The following CAPS2 variants were observed in gnomAD, a reference collection of about 807,000 sequenced individuals.
CAPS2 encodes the protein calcyphosine 2, also known as calcyphosin-2.
Under a neutral mutation model 86.5 loss-of-function variants are expected in CAPS2, and 98 were observed. The ratio of observed to expected loss-of-function variants is 1.13; its 90% CI spans 0.96 to 1.34. CAPS2 has a LOEUF of 1.34. Among genes scored for constraint, CAPS2 ranks in the 40% most tolerant of loss-of-function variants. The probability of loss-of-function intolerance (pLI) is 0.00; values close to 1 mark genes in which losing one functional copy is unlikely to be tolerated. For synonymous variants in CAPS2, 210 were observed against 225.1 expected (o/e 0.93, Z 0.60); for missense variants, 729 against 686.8 (o/e 1.06, Z -0.69).
chr12:75,283,286 C>T (rs995119149), intron 15 of CAPS2, among the ~76,000 whole-genome samples: 10 of 152,072 alleles, frequency 6.6e-5, no homozygotes, highest in Admixed American at 2.0e-4. Flanking sequence ...ATTCTGCATT[C>T]GTAGTGGGGT....
chr12:75,357,653 A>G (rs1024250063), intron 1 of CAPS2, among the ~76,000 whole-genome samples: 3 of 152,146 alleles, frequency 2.0e-5, no homozygotes, highest in African/African-American at 7.2e-5. Context: ...AATAATACAA[A>G]GTATGTTGTT....
intron 1 of CAPS2, among the ~76,000 whole-genome samples, chr12:75,356,092 T>C (rs1230807621): frequency 6.6e-6 from 1 of 151,982 alleles, no homozygotes; most frequent in Non-Finnish European, 1.5e-5. Flanking sequence ...CATTTACCTA[T>C]GTCACAAACC....
At chr12:75,298,411 G>A (rs140492789) in intron 11 of CAPS2, 164 of 395,732 alleles carry the variant, frequency 4.1e-4, no homozygotes, top group African/African-American at 2.3e-3. Flanking sequence ...TTCAAAGTAC[G>A]AAGATACAAC....
intron 16 of CAPS2, among the ~76,000 whole-genome samples, chr12:75,279,782 T>C (rs2033577735): frequency 6.6e-6 from 1 of 152,016 alleles, no homozygotes; most frequent in Non-Finnish European, 1.5e-5. Context: ...TAATATAAAA[T>C]AATAAAATGA....
At chr12:75,320,814 G>A (rs1375961620) in intron 5 of CAPS2, among the ~76,000 whole-genome samples, 1 of 151,748 alleles carries the variant, frequency 6.6e-6, no homozygotes, top group East Asian at 1.9e-4. Context: ...AATCAAGATT[G>A]ACTTTTTCTG....
intron 1 of CAPS2, chr12:75,370,029 C>A: frequency 8.0e-7 from 1 of 1,257,030 alleles, no homozygotes; most frequent in Non-Finnish European, 1.1e-6. Flanking sequence ...TTATTTCCTC[C>A]CGTTGAAAAT....
intron 1 of CAPS2, among the ~76,000 whole-genome samples, chr12:75,367,367 T>C (rs1440752227): frequency 6.6e-6 from 1 of 152,050 alleles, no homozygotes; most frequent in Non-Finnish European, 1.5e-5. Flanking sequence ...AGTATTTTAT[T>C]TCTTTATGTC....
intron 7 of CAPS2, chr12:75,306,253 C>T: frequency 3.1e-6 from 2 of 636,268 alleles, no homozygotes; most frequent in South Asian, 3.5e-5. Context: ...TCATGGAGTT[C>T]CTGGCCAGGC....
At chr12:75,367,057 C>T in intron 1 of CAPS2, 1 of 699,222 alleles carries the variant, frequency 1.4e-6, no homozygotes, top group South Asian at 1.5e-5. Flanking sequence ...TTAAGTTTCT[C>T]ACAAAAATGC....
At chr12:75,326,114 G>GGAGAAA in intron 1 of CAPS2, among the ~76,000 whole-genome samples, 2 of 151,792 alleles carry the variant, frequency 1.3e-5, no homozygotes, top group African/African-American at 4.8e-5. Context: ...CTTTTTTTGT[G>GGAGAAA]ATATTAGTAG....
chr12:75,347,105 C>T (rs980468832), intron 1 of CAPS2, among the ~76,000 whole-genome samples: 2 of 151,598 alleles, frequency 1.3e-5, no homozygotes, highest in African/African-American at 2.4e-5. Context: ...ATCCTTACAG[C>T]AGGCATCTTT....
chr12:75,304,851 T>G (rs2038253735), exon 8 of CAPS2: 1 of 1,612,100 alleles, frequency 6.2e-7, no homozygotes, highest in Non-Finnish European at 8.5e-7. Flanking sequence ...ATGGCTAAAT[T>G]TTGCTCTGGA....
rs745718329 is a variant in CAPS2 at position 75,293,378 on chromosome 12, G to T, written c.1045-11C>A. ...TGTCAAGGTTGCACCCTAAACAAAA[G>T]AACAGATGAATGAAGCTAGAAAGCA... On this transcript the variant is annotated splice_polypyrimidine_tract_variant and intron_variant, in intron 11 of 16. Transcript: ENST00000393284. 11 of 1,501,314 alleles carry T rather than the reference G, an allele frequency of 7.3e-6. No individual in the cohort carries two copies. The highest frequency in any genetic ancestry group is 1.7e-5 in the Admixed American group (1 of 57,184). 93.0% of individuals were successfully genotyped at this position (1,501,314 alleles called of 1,614,324 possible). A position where few individuals can be genotyped will look rare whatever the true frequency, so the allele number is the denominator to read the frequency against.
chr12:75,338,978 C>T (rs952844494), intron 1 of CAPS2, among the ~76,000 whole-genome samples: 1 of 152,202 alleles, frequency 6.6e-6, no homozygotes, highest in Non-Finnish European at 1.5e-5. Context: ...GTCTGTAGCA[C>T]ATATTTTCTT....
chr12:75,313,563 CA>C (rs1391457264), intron 6 of CAPS2, among the ~76,000 whole-genome samples: 1 of 152,066 alleles, frequency 6.6e-6, no homozygotes, highest in African/African-American at 2.4e-5. Context: ...TTTTTTAGGT[CA>C]TATCTAACTG....
chr12:75,301,634 A>G (rs1338835903), intron 8 of CAPS2, among the ~76,000 whole-genome samples: 1 of 152,212 alleles, frequency 6.6e-6, no homozygotes, highest in Non-Finnish European at 1.5e-5. Flanking sequence ...ACATAGACAG[A>G]TGAGTAAATT....
chr12:75,299,170 AT>A (rs1246570637), intron 9 of CAPS2, among the ~76,000 whole-genome samples: 2 of 152,208 alleles, frequency 1.3e-5, no homozygotes, highest in South Asian at 2.1e-4. Flanking sequence ...GCAGAAAAAA[AT>A]AATCTTACAC....
chr12:75,278,777 A>G (rs1173452747), exon 17 of CAPS2: 16 of 1,339,286 alleles, frequency 1.2e-5, no homozygotes, highest in Non-Finnish European at 1.5e-5. Context: ...CAAACAAGAA[A>G]CCAGAATAAA....
chr12:75,349,394 G>A (rs2042659079), intron 1 of CAPS2, among the ~76,000 whole-genome samples: 1 of 152,086 alleles, frequency 6.6e-6, no homozygotes, highest in Non-Finnish European at 1.5e-5. Flanking sequence ...AAAACTCAAG[G>A]AGGTTTACAG....
Sources: allele counts gnomAD v4.1 joint callset (sites outside exome capture counted in the v4.1 genomes callset), GRCh38; gene constraint gnomAD v4.1.1; transcripts MANE v1.5; gene names NCBI Gene and HGNC (gene_info 2026-07-23, HGNC 2026-07-21).